The following GLI4 variants were observed in gnomAD, a reference collection of about 807,000 sequenced individuals.
GLI4 encodes the protein zinc finger protein GLI4.
GLI4 carries 34 observed loss-of-function variants against 30.9 expected under a neutral mutation model. That is an observed-to-expected ratio of 1.10 (90% CI 0.84 to 1.47). The LOEUF is 1.47. GLI4 is among the 40% of genes most tolerant of loss of function. The probability of loss-of-function intolerance (pLI) is 0.00; values close to 1 mark genes in which losing one functional copy is unlikely to be tolerated. For synonymous variants in GLI4, 277 were observed against 236.7 expected (o/e 1.17, Z -1.56); for missense variants, 696 against 538.9 (o/e 1.29, Z -2.89).
Position 143,276,456 on chromosome 8 carries a change from C to G in GLI4, c.783C>G (p.His261Gln), listed in dbSNP as rs1182560585. 2.5e-6 allele frequency: 4 copies of G among 1,612,926 alleles called. No individual in the cohort carries two copies. Among genetic ancestry groups the G allele is most frequent in the East Asian group, 2.2e-5 (1 of 44,890 alleles). The change falls in exon 4 of 4, where the codon CAC becomes CAG. Residue 261 changes from histidine to glutamine, a missense_variant. Coordinates refer to ENST00000340042, the MANE Select transcript of GLI4 (RefSeq NM_138465.4). ...SSHFTQHLRI[H>Q]NGEKPYKCGE... ...ACTTCACGCAGCACCTGCGCATCCA[C>G]AACGGCGAGAAGCCCTACAAGTGCG...
In GLI4 at chr8:143,276,338, G is replaced by A. The variant is rs777945813; in HGVS notation, c.665G>A (p.Gly222Asp). 4 of 1,610,344 alleles carry A rather than the reference G, an allele frequency of 2.5e-6. No homozygotes were observed. The highest frequency in any genetic ancestry group is 1.3e-5 in the African/African-American group (1 of 74,454). The change falls in exon 4 of 4, where the codon GGC becomes GAC. Residue 222 changes from glycine to aspartate, a missense_variant. Physicochemically the swap from Gly to Asp is moderately conservative, Grantham distance 94. Coordinates refer to ENST00000340042, the MANE Select transcript of GLI4 (RefSeq NM_138465.4). ...ACHECGKRFR[G>D]WSGFIQHHRI... is the part of the protein sequence containing the mutation. Reference sequence around the variant, plus strand: ...CACGAGTGCGGCAAGCGCTTCCGCGGCTGGTCGGGCTTCATCCAGCACCAC... The same window carrying A: ...CACGAGTGCGGCAAGCGCTTCCGCGACTGGTCGGGCTTCATCCAGCACCAC...
At chr8:143,275,787 GTCCCC>G (rs1483899312) in intron 3 of GLI4, 105 bp from the exon 4 acceptor site, 1 of 1,241,230 alleles carries the variant, frequency 8.1e-7, no homozygotes, top group East Asian at 3.2e-5. Flanking sequence ...GCCCCTCCTT[GTCCCC>G]TCTAAGCCCC....
At chr8:143,269,029 A>T (rs942568891) in intron 1 of GLI4, among the ~76,000 whole-genome samples, 3 of 152,160 alleles carry the variant, frequency 2.0e-5, no homozygotes, top group African/African-American at 7.2e-5. Context: ...TTTTTAGTAG[A>T]GATGGGGTTT....
Position 143,275,730 on chromosome 8 carries a change from G to A in GLI4, c.224-167G>A, listed in dbSNP as rs149174213. On this transcript the variant is annotated intron_variant, in intron 3 of 3. Coordinates refer to ENST00000340042, the MANE Select transcript of GLI4 (RefSeq NM_138465.4). Reference sequence around the variant, plus strand: ...TGTCTATGTCAGCTCTCCTGGGCACGGCACTCCGAGCCCCTGTCCGCTTGT... The same window carrying A: ...TGTCTATGTCAGCTCTCCTGGGCACAGCACTCCGAGCCCCTGTCCGCTTGT... 71 of 1,239,460 alleles carry A rather than the reference G, an allele frequency of 5.7e-5. No homozygotes were observed. In the African/African-American group the frequency reaches 8.4e-4, roughly 15 times the overall value. The allele number at this position is 1,239,460 out of a possible 1,614,324, so 76.8% of individuals were successfully genotyped here.
chr8:143,270,873 G>A (rs1403641693), intron 2 of GLI4, among the ~76,000 whole-genome samples: 3 of 152,212 alleles, frequency 2.0e-5, no homozygotes, highest in South Asian at 2.1e-4. Context: ...ACACACTGAG[G>A]TGGCTGCAGG....
chr8:143,270,790 G>T (rs1305010675), intron 2 of GLI4, among the ~76,000 whole-genome samples: 2 of 152,208 alleles, frequency 1.3e-5, no homozygotes, highest in Admixed American at 1.3e-4. Context: ...GCCTGATGAG[G>T]TGTGACTTCT....
Position 143,276,749 on chromosome 8 carries a change from C to T in GLI4, c.1076C>T (p.Ala359Val), listed in dbSNP as rs1482397424. 1 of 1,606,322 alleles carries T rather than the reference C, an allele frequency of 6.2e-7. No homozygotes were observed. The highest frequency in any genetic ancestry group is 8.5e-7 in the Non-Finnish European group (1 of 1,177,184). The change falls in exon 4 of 4, where the codon GCC becomes GTC. Residue 359 changes from alanine to valine, a missense_variant. Transcript: ENST00000340042. ...KPFACGACGK[A>V]FGQSSQLIQH... ...TTCGCGTGTGGCGCCTGCGGCAAGG[C>T]CTTCGGCCAGAGCTCCCAGCTCATC...
chr8:143,272,858 C>T (rs1173463845), intron 2 of GLI4, among the ~76,000 whole-genome samples: 1 of 152,184 alleles, frequency 6.6e-6, no homozygotes, highest in Non-Finnish European at 1.5e-5. Context: ...TGGGGGCCAT[C>T]CTGAGTCGGC....
At chr8:143,274,002 C>T (rs1815329198) in intron 2 of GLI4, among the ~76,000 whole-genome samples, 1 of 152,212 alleles carries the variant, frequency 6.6e-6, no homozygotes. Context: ...CCTCCCTTTT[C>T]AGTCTGTGCT....
rs1473296316 is a variant in GLI4, at chr8:143,276,021, C to T, written c.348C>T (p.Gly116=). ...SLPRRARCSA[G]FGPESSAERP... ...CCCGCAGGGCCCGGTGCAGCGCCGGCTTCGGGCCTGAATCCAGCGCGGAGC... is the reference window on the plus strand; with the variant it reads ...CCCGCAGGGCCCGGTGCAGCGCCGGTTTCGGGCCTGAATCCAGCGCGGAGC... Residue 116 remains glycine (G), a synonymous_variant, in exon 4 of 4, where the codon GGC becomes GGT. Transcript: ENST00000340042. 7.1e-7 allele frequency: 1 copy of T among 1,407,364 alleles called. No homozygotes were observed. Among genetic ancestry groups the T allele is most frequent in the South Asian group, 1.5e-5 (1 of 65,118 alleles). 87.2% of individuals were successfully genotyped at this position (1,407,364 alleles called of 1,614,324 possible). A position where few individuals can be genotyped will look rare whatever the true frequency, so the allele number is the denominator to read the frequency against.
Position 143,276,608 on chromosome 8 carries a change from A to G in GLI4, c.935A>G (p.Glu312Gly). Residue 312 changes from glutamate to glycine, a missense_variant, in exon 4 of 4, where the codon GAG (glutamate) becomes GGG (glycine). Transcript: ENST00000340042. ...KAFIWSSVLI[E>G]HQRIHTGEKP... Reference sequence around the variant, plus strand: ...TTCATCTGGAGCTCCGTGCTCATCGAGCACCAGCGCATCCACACTGGCGAG... The same window carrying G: ...TTCATCTGGAGCTCCGTGCTCATCGGGCACCAGCGCATCCACACTGGCGAG... 6.2e-7 allele frequency: 1 copy of G among 1,612,522 alleles called. No homozygotes were observed. Among genetic ancestry groups the G allele is most frequent in the Non-Finnish European group, 8.5e-7 (1 of 1,179,720 alleles).
intron 1 of GLI4, chr8:143,268,236 G>T (rs1443268657): frequency 4.1e-6 from 1 of 244,862 alleles, no homozygotes; most frequent in African/African-American, 2.3e-5. Flanking sequence ...GGTGGCGGCC[G>T]TGTGGGAGCT....
At chr8:143,275,387 G>A in intron 3 of GLI4, 1 of 1,398,900 alleles carries the variant, frequency 7.1e-7, no homozygotes, top group Non-Finnish European at 9.3e-7. Flanking sequence ...AGAGACCCTG[G>A]GCCAGAGATT....
At chr8:143,275,556 G>C (rs949861281) in intron 3 of GLI4, 1 of 1,254,002 alleles carries the variant, frequency 8.0e-7, no homozygotes, top group Non-Finnish European at 1.0e-6. Context: ...CAGGCTCCGG[G>C]TCCTCACCAA....
At position 143,275,821 on chromosome 8, in the gene GLI4, C is replaced by T. The variant is rs1348268781; in HGVS notation, c.224-76C>T. ...AAGCCCCCCCGTCCAGCTCTGCTCT[C>T]ACTCCCCGTCCCCGTCCCTCCGTGC... is the stretch of plus-strand genomic sequence containing the variant. On this transcript the variant is annotated intron_variant, in intron 3 of 3. Coordinates refer to ENST00000340042, the MANE Select transcript of GLI4 (RefSeq NM_138465.4). The T allele has an allele frequency of 3.2e-6, 4 of 1,251,996 alleles. No individual in the cohort carries two copies. The East Asian group carries it at 9.5e-5, about 30-fold the overall frequency. The allele number at this position is 1,251,996 out of a possible 1,614,324, so 77.6% of individuals were successfully genotyped here. A position where few individuals can be genotyped will look rare whatever the true frequency, so the allele number is the denominator to read the frequency against.
chr8:143,275,636 C>T, intron 3 of GLI4: 2 of 1,235,352 alleles, frequency 1.6e-6, no homozygotes, highest in Non-Finnish European at 1.0e-6. Flanking sequence ...CGTGCACCGG[C>T]ACGGCCGCCG....
chr8:143,271,123 G>A (rs569066173), intron 2 of GLI4, among the ~76,000 whole-genome samples: 6 of 152,296 alleles, frequency 3.9e-5, no homozygotes, highest in East Asian at 1.9e-4. Context: ...GTTTTGCCCC[G>A]TGGGAGGGAG....
At position 143,276,693 on chromosome 8, in the gene GLI4, G is replaced by T. The variant is rs143627825; in HGVS notation, c.1020G>T (p.Arg340=). Residue 340 remains arginine, a synonymous_variant, in exon 4 of 4, where the codon CGG becomes CGT. Transcript: ENST00000340042. The part of the protein sequence containing the change: ...KAFRGRSHFF[R]HLRTHTGEKP... ...TCCGCGGCCGCTCGCACTTCTTCCG[G>T]CACCTGCGGACCCACACGGGCGAGA... The T allele has an allele frequency of 6.2e-7, 1 of 1,611,280 alleles. No individual in the cohort carries two copies.
chr8:143,270,477 G>A lies in GLI4; in HGVS notation c.124+957G>A, dbSNP rs1390458675. On this transcript the variant is annotated intron_variant, in intron 2 of 3. Coordinates refer to ENST00000340042, the MANE Select transcript of GLI4 (RefSeq NM_138465.4). ...CCGAGCAACTCCCCAGGGACTGCGAGGAGGCTGGGAAGGGGCGCCCGTGGG... is the reference window on the plus strand; with the variant it reads ...CCGAGCAACTCCCCAGGGACTGCGAAGAGGCTGGGAAGGGGCGCCCGTGGG... Among the ~76,000 whole-genome samples the A allele has an allele frequency of 3.3e-5, 5 of 152,328 alleles. No homozygotes were observed. In the South Asian group the frequency reaches 8.3e-4, roughly 25 times the overall value.
Sources: gnomAD v4.1 joint callset for allele counts (sites outside exome capture counted in the v4.1 genomes callset) on GRCh38, gnomAD v4.1.1 for gene constraint, MANE v1.5 for transcripts, NCBI Gene and HGNC (gene_info 2026-07-23, HGNC 2026-07-21) for gene names.